The following HS3ST5 variants were observed in gnomAD, a reference collection of about 807,000 sequenced individuals.
The protein encoded by HS3ST5 is heparan sulfate glucosamine 3-O-sulfotransferase 5.
Under a neutral mutation model 25.4 loss-of-function variants are expected in HS3ST5, and 10 were observed. The ratio of observed to expected loss-of-function variants is 0.39; its 90% CI spans 0.24 to 0.67. HS3ST5 has a LOEUF of 0.67. Ranked by LOEUF, HS3ST5 falls within the 30% of genes least tolerant of loss-of-function variation. HS3ST5 has a pLI of 0.44. For synonymous variants in HS3ST5, 170 were observed against 162.4 expected, an observed-to-expected ratio of 1.05 and a Z score of -0.36; for missense variants, 324 against 420.7, an observed-to-expected ratio of 0.77 and a Z score of 2.01.
intron 3 of HS3ST5, among the ~76,000 whole-genome samples, chr6:114,115,823 T>TC: frequency 1.3e-5 from 2 of 152,052 alleles, no homozygotes; most frequent in Non-Finnish European, 2.9e-5. Context: ...GGGTAAGTAT[T>TC]TTAGTGTCTC....
chr6:114,164,546 G>C (rs1779118834), intron 3 of HS3ST5, among the ~76,000 whole-genome samples: 1 of 152,130 alleles, frequency 6.6e-6, no homozygotes, highest in South Asian at 2.1e-4. Context: ...GCCTCCTCTA[G>C]GCAGGCTTTG....
At chr6:114,095,681 T>C (rs1055199134) in intron 3 of HS3ST5, among the ~76,000 whole-genome samples, 1 of 152,154 alleles carries the variant, frequency 6.6e-6, no homozygotes, top group Non-Finnish European at 1.5e-5. Flanking sequence ...CATTTCCTGC[T>C]TGGACCAAAT....
At chr6:114,270,664 T>C (rs1582775613) in intron 1 of HS3ST5, among the ~76,000 whole-genome samples, 1 of 152,268 alleles carries the variant, frequency 6.6e-6, no homozygotes, top group East Asian at 1.9e-4. Context: ...ACTTAGCCTC[T>C]CTAGGACTTA....
At chr6:114,293,138 G>A (rs1582793457) in intron 1 of HS3ST5, among the ~76,000 whole-genome samples, 1 of 152,130 alleles carries the variant, frequency 6.6e-6, no homozygotes, top group African/African-American at 2.4e-5. Context: ...GTAAGCCATG[G>A]GATAGAGGAG....
intron 2 of HS3ST5, among the ~76,000 whole-genome samples, chr6:114,224,929 T>C (rs961213848): frequency 4.6e-5 from 7 of 151,716 alleles, no homozygotes; most frequent in Non-Finnish European, 1.0e-4. Context: ...TAATAGTTGC[T>C]TCAAGAAGGG....
At chr6:114,323,306 G>T (rs1351614999) in intron 1 of HS3ST5, among the ~76,000 whole-genome samples, 1 of 152,136 alleles carries the variant, frequency 6.6e-6, no homozygotes, top group Admixed American at 6.6e-5. Context: ...CATATTTAAT[G>T]ATATGTAAAA....
chr6:114,341,444 G>C (rs996376757), intron 1 of HS3ST5, among the ~76,000 whole-genome samples: 1 of 152,152 alleles, frequency 6.6e-6, no homozygotes, highest in African/African-American at 2.4e-5. Flanking sequence ...TCCACCTTAA[G>C]CTGGACGCTC....
intron 1 of HS3ST5, among the ~76,000 whole-genome samples, chr6:114,328,937 G>A (rs2114908061): frequency 6.6e-6 from 1 of 152,236 alleles, no homozygotes; most frequent in South Asian, 2.1e-4. Context: ...TTTCTTTAGT[G>A]CATGAGTCAT....
At chr6:114,138,326 G>A (rs941836772) in intron 3 of HS3ST5, among the ~76,000 whole-genome samples, 1 of 152,088 alleles carries the variant, frequency 6.6e-6, no homozygotes, top group Non-Finnish European at 1.5e-5. Flanking sequence ...GATTAATTTT[G>A]TTCTCTAAAA....
In HS3ST5 at chr6:114,230,880, G is replaced by A. The variant is rs946655419; in HGVS notation, c.-338-2102C>T. ...TGGGATTACAGGCTCGAGCCACCGCGCCCGGCCCCTAAGACGTACTTCTTA... is the reference window on the plus strand; with the variant it reads ...TGGGATTACAGGCTCGAGCCACCGCACCCGGCCCCTAAGACGTACTTCTTA... On this transcript the variant is annotated intron_variant, in intron 1 of 4. Transcript: ENST00000312719. Among the ~76,000 whole-genome samples the A allele has an allele frequency of 4.6e-5, 7 of 152,110 alleles. No individual in the cohort carries two copies. In the East Asian group the frequency reaches 7.8e-4, roughly 17 times the overall value.
chr6:114,146,337 A>G (rs1282252950), intron 3 of HS3ST5, among the ~76,000 whole-genome samples: 1 of 152,212 alleles, frequency 6.6e-6, no homozygotes, highest in Non-Finnish European at 1.5e-5. Context: ...ACCTAAATTG[A>G]CTAAGTTCTG....
chr6:114,091,999 ACT>A (rs1178041763), intron 3 of HS3ST5, among the ~76,000 whole-genome samples: 2 of 152,022 alleles, frequency 1.3e-5, no homozygotes, highest in Non-Finnish European at 2.9e-5. Context: ...CCACTCTCAA[ACT>A]CTCACTCAGT....
intron 1 of HS3ST5, among the ~76,000 whole-genome samples, chr6:114,234,319 T>A (rs1219814872): frequency 6.8e-6 from 1 of 147,504 alleles, no homozygotes; most frequent in Non-Finnish European, 1.5e-5. Context: ...ATATATATAA[T>A]ATATATATAT....
intron 1 of HS3ST5, among the ~76,000 whole-genome samples, chr6:114,298,216 T>A (rs193225110): frequency 4.6e-5 from 7 of 152,346 alleles, no homozygotes; most frequent in East Asian, 1.9e-4. Flanking sequence ...AATATATAAA[T>A]GACCATGATG....
chr6:114,201,701 G>A (rs1251288764), intron 2 of HS3ST5, among the ~76,000 whole-genome samples: 1 of 152,158 alleles, frequency 6.6e-6, no homozygotes, highest in East Asian at 1.9e-4. Context: ...CCTGAGACTG[G>A]ATAATTTATA....
chr6:114,079,298 C>T (rs35877583), intron 3 of HS3ST5, among the ~76,000 whole-genome samples: 1 of 152,012 alleles, frequency 6.6e-6, no homozygotes, highest in Non-Finnish European at 1.5e-5. Context: ...TGGAGTGTGT[C>T]CTCTCAAAAT....
chr6:114,129,383 G>A (rs888636017), intron 3 of HS3ST5, among the ~76,000 whole-genome samples: 2 of 150,386 alleles, frequency 1.3e-5, no homozygotes, highest in Admixed American at 1.3e-4. Context: ...GGCCTCCAGA[G>A]TAGCTGGGAC....
chr6:114,067,648 A>G (rs1773533039), intron 3 of HS3ST5, among the ~76,000 whole-genome samples: 1 of 152,012 alleles, frequency 6.6e-6, no homozygotes, highest in Non-Finnish European at 1.5e-5. Context: ...TCTTCAGGAG[A>G]CCTGATTTCT....
intron 1 of HS3ST5, among the ~76,000 whole-genome samples, chr6:114,286,502 T>C (rs1257543349): frequency 6.6e-6 from 1 of 152,014 alleles, no homozygotes; most frequent in East Asian, 1.9e-4. Context: ...ACGATTTAAA[T>C]GGTTATTAGC....
Sources: gnomAD v4.1 joint callset for allele counts (sites outside exome capture counted in the v4.1 genomes callset) on GRCh38, gnomAD v4.1.1 for gene constraint, MANE v1.5 for transcripts, NCBI Gene and HGNC (gene_info 2026-07-23, HGNC 2026-07-21) for gene names.